Variants in GNAQ observed in about 807,000 individuals in gnomAD.
The protein encoded by GNAQ is G protein subunit alpha q, also known as guanine nucleotide-binding protein G(q) subunit alpha.
In GNAQ, 8 loss-of-function variants were observed where a neutral mutation model predicts 43.9. The ratio of observed to expected loss-of-function variants is 0.18; its 90% CI spans 0.11 to 0.33. The LOEUF is 0.33. GNAQ is among the 10% of genes least tolerant of loss of function. The probability of loss-of-function intolerance (pLI) is 1.00; values close to 1 mark genes in which losing one functional copy is unlikely to be tolerated. For synonymous variants in GNAQ, 155 were observed against 170.7 expected (o/e 0.91, Z 0.71); for missense variants, 158 against 450.8 (o/e 0.35, Z 5.88).
At chr9:77,863,413 C>A (rs149000825) in intron 2 of GNAQ, among the ~76,000 whole-genome samples, 1 of 152,160 alleles carries the variant, frequency 6.6e-6, no homozygotes, top group Admixed American at 6.5e-5. Context: ...CCATCTGAGA[C>A]CACCTCAGCG....
intron 1 of GNAQ, among the ~76,000 whole-genome samples, chr9:77,989,393 C>T (rs905850321): frequency 2.0e-5 from 3 of 152,320 alleles, no homozygotes; most frequent in East Asian, 1.9e-4. Context: ...TGGACCATTG[C>T]TGCAAGTCCA....
intron 5 of GNAQ, among the ~76,000 whole-genome samples, chr9:77,777,092 A>G (rs1826316295): frequency 6.6e-6 from 1 of 152,118 alleles, no homozygotes; most frequent in Non-Finnish European, 1.5e-5. Flanking sequence ...GTTCACGATC[A>G]CCTGGTTTTC....
chr9:78,007,627 A>AT (rs1391583434), intron 1 of GNAQ, among the ~76,000 whole-genome samples: 1 of 152,102 alleles, frequency 6.6e-6, no homozygotes, highest in Non-Finnish European at 1.5e-5. Flanking sequence ...GTACAACCAC[A>AT]TTTTTTCTCA....
chr9:77,734,203 T>G (rs748924476), intron 5 of GNAQ, among the ~76,000 whole-genome samples: 5 of 152,244 alleles, frequency 3.3e-5, no homozygotes, highest in African/African-American at 4.8e-5. Context: ...TCCATTTTAA[T>G]AACTTTTGCA....
chr9:77,979,632 G>C (rs184025385), intron 1 of GNAQ, among the ~76,000 whole-genome samples: 162 of 152,188 alleles, frequency 1.1e-3, no homozygotes, highest in African/African-American at 3.8e-3. Flanking sequence ...TGCCCAAGGG[G>C]GGGGAGACTG....
intron 1 of GNAQ, among the ~76,000 whole-genome samples, chr9:77,957,221 T>C (rs1245181108): frequency 6.6e-6 from 1 of 151,928 alleles, no homozygotes; most frequent in Non-Finnish European, 1.5e-5. Context: ...CCAGGTGTGG[T>C]GGTGTGTGCC....
At chr9:77,961,879 G>A (rs1437391609) in intron 1 of GNAQ, among the ~76,000 whole-genome samples, 1 of 152,130 alleles carries the variant, frequency 6.6e-6, no homozygotes, top group African/African-American at 2.4e-5. Flanking sequence ...AATAAATTTA[G>A]ACCCAGAAGA....
intron 5 of GNAQ, among the ~76,000 whole-genome samples, chr9:77,790,312 G>T (rs187618565): frequency 6.6e-6 from 1 of 152,256 alleles, no homozygotes; most frequent in African/African-American, 2.4e-5. Flanking sequence ...CCGCAAAGCT[G>T]AATGTTATCT....
chr9:77,792,676 T>C (rs923052948), intron 5 of GNAQ, among the ~76,000 whole-genome samples: 3 of 152,156 alleles, frequency 2.0e-5, no homozygotes, highest in African/African-American at 7.2e-5. Flanking sequence ...TCATGACATA[T>C]ACTTCTTCAT....
intron 1 of GNAQ, among the ~76,000 whole-genome samples, chr9:78,002,818 TATCATCATATCA>T (rs975989366): frequency 7.9e-5 from 12 of 152,338 alleles, no homozygotes; most frequent in African/African-American, 2.9e-4. Flanking sequence ...ATTGGTTTTC[TATCATCATATCA>T]ACTACCTTTT....
At chr9:77,789,064 G>A (rs1826527019) in intron 5 of GNAQ, among the ~76,000 whole-genome samples, 1 of 152,190 alleles carries the variant, frequency 6.6e-6, no homozygotes, top group South Asian at 2.1e-4. Flanking sequence ...GCTAAGAGAT[G>A]CTTGATTAAA....
intron 2 of GNAQ, among the ~76,000 whole-genome samples, chr9:77,849,399 GA>G (rs1827637448): frequency 6.6e-6 from 1 of 152,092 alleles, no homozygotes; most frequent in Non-Finnish European, 1.5e-5. Flanking sequence ...ACAAAGCCTT[GA>G]TACTGGAGTG....
At chr9:77,902,358 A>G (rs1301560880) in intron 2 of GNAQ, among the ~76,000 whole-genome samples, 1 of 152,236 alleles carries the variant, frequency 6.6e-6, no homozygotes, top group East Asian at 1.9e-4. Flanking sequence ...TTCAACAAGA[A>G]TGCTTTTCAG....
chr9:77,808,733 T>C (rs1826867495), intron 3 of GNAQ, among the ~76,000 whole-genome samples: 1 of 152,080 alleles, frequency 6.6e-6, no homozygotes, highest in African/African-American at 2.4e-5. Context: ...AATCTATGTC[T>C]GAGGAAAGTG....
chr9:77,878,678 T>G (rs937046382), intron 2 of GNAQ, among the ~76,000 whole-genome samples: 1 of 152,030 alleles, frequency 6.6e-6, no homozygotes, highest in Admixed American at 6.6e-5. Flanking sequence ...TAAGATGTGT[T>G]TTGGTGCTTT....
At chr9:77,876,274 T>G (rs763054811) in intron 2 of GNAQ, among the ~76,000 whole-genome samples, 14 of 152,190 alleles carry the variant, frequency 9.2e-5, no homozygotes, top group Non-Finnish European at 1.6e-4. Flanking sequence ...CAGGACAGGA[T>G]GCAGAGCTCC....
At chr9:77,949,453 G>A (rs1822947404) in intron 1 of GNAQ, among the ~76,000 whole-genome samples, 1 of 152,202 alleles carries the variant, frequency 6.6e-6, no homozygotes, top group Non-Finnish European at 1.5e-5. Context: ...TCCTGGGGCT[G>A]AGAGAGGGCT....
Position 78,031,238 on chromosome 9 carries a change from T to C in GNAQ, c.-3A>G, listed in dbSNP as rs747120356. 6.0e-6 allele frequency: 9 copies of C among 1,504,524 alleles called. No homozygotes were observed. The African/African-American group carries it at 1.3e-4, about 22-fold the overall frequency. 93.2% of individuals were successfully genotyped at this position (1,504,524 alleles called of 1,614,324 possible). Reference sequence around the variant, plus strand: ...GCCATGATGGACTCCAGAGTCATTCTTCCAAAGTGCCTCCGCTGCAGCCCC... The same window carrying C: ...GCCATGATGGACTCCAGAGTCATTCCTCCAAAGTGCCTCCGCTGCAGCCCC... On this transcript the variant is annotated 5_prime_UTR_variant, in exon 1 of 7. Coordinates refer to ENST00000286548, the MANE Select transcript of GNAQ (RefSeq NM_002072.5).
At chr9:77,779,680 C>CAAAAAAA (rs58014303) in intron 5 of GNAQ, among the ~76,000 whole-genome samples, 19 of 95,940 alleles carry the variant, frequency 2.0e-4, no homozygotes, top group East Asian at 3.1e-4. Context: ...AAAAACAAAA[C>CAAAAAAA]AAAAAAAAAA....
Sources: allele counts gnomAD v4.1 joint callset (sites outside exome capture counted in the v4.1 genomes callset), GRCh38; gene constraint gnomAD v4.1.1; transcripts MANE v1.5; gene names NCBI Gene and HGNC (gene_info 2026-07-23, HGNC 2026-07-21).